EXOC4: variants seen among roughly 807,000 people sequenced by gnomAD.
The protein encoded by EXOC4 is exocyst complex component 4.
EXOC4 carries 71 observed loss-of-function variants against 107.2 expected under a neutral mutation model. The observed-to-expected ratio is 0.66, with a 90% CI of 0.55 to 0.81. The LOEUF (loss-of-function observed/expected upper bound fraction) is 0.81. Among genes scored for constraint, EXOC4 ranks in the 30% least tolerant of loss-of-function variants. The probability of loss-of-function intolerance (pLI) is 0.00; values close to 1 mark genes in which losing one functional copy is unlikely to be tolerated. For missense variants in EXOC4, 1,108 were observed against 1,189.6 expected, an observed-to-expected ratio of 0.93 and a Z score of 1.01; for synonymous variants, 456 against 441.2, an observed-to-expected ratio of 1.03 and a Z score of -0.42.
At chr7:133,860,768 T>G (rs1330429229) in intron 11 of EXOC4, among the ~76,000 whole-genome samples, 1 of 152,208 alleles carries the variant, frequency 6.6e-6, no homozygotes, top group Non-Finnish European at 1.5e-5. Context: ...AATATTACCC[T>G]TTGCAAAGCC....
At chr7:133,788,557 A>T (rs1295490107) in intron 10 of EXOC4, among the ~76,000 whole-genome samples, 4 of 151,868 alleles carry the variant, frequency 2.6e-5, no homozygotes, top group African/African-American at 9.7e-5. Flanking sequence ...CAGTGGTGTG[A>T]TCTTGGCTCA....
chr7:133,467,400 T>C (rs759128403), intron 7 of EXOC4, among the ~76,000 whole-genome samples: 14 of 152,180 alleles, frequency 9.2e-5, no homozygotes, highest in Non-Finnish European at 2.9e-5. Context: ...CTCCTTCCTT[T>C]ATAGGATTTT....
intron 9 of EXOC4, among the ~76,000 whole-genome samples, chr7:133,625,256 G>A (rs546334713): frequency 6.6e-6 from 1 of 152,246 alleles, no homozygotes; most frequent in South Asian, 2.1e-4. Flanking sequence ...AGCATACTAG[G>A]CACAGAACAC....
intron 12 of EXOC4, among the ~76,000 whole-genome samples, chr7:133,917,109 G>A (rs10226267): frequency 0.47 from 70,967 of 151,960 alleles, 17,875 homozygotes; most frequent in African/African-American, 0.65. Flanking sequence ...GGGTGTCCAT[G>A]ATTCAAGCAA....
intron 17 of EXOC4, among the ~76,000 whole-genome samples, chr7:134,054,593 C>T (rs1381726623): frequency 6.6e-6 from 1 of 152,164 alleles, no homozygotes; most frequent in Non-Finnish European, 1.5e-5. Context: ...AGTTCTAAAG[C>T]CAGCATCCTT....
chr7:133,486,159 T>TA (rs1222940987), intron 9 of EXOC4, among the ~76,000 whole-genome samples: 1 of 152,166 alleles, frequency 6.6e-6, no homozygotes, highest in Non-Finnish European at 1.5e-5. Flanking sequence ...CTGGCATAGG[T>TA]AAAAAAGCTC....
At chr7:133,388,431 C>G (rs1796777257) in intron 7 of EXOC4, among the ~76,000 whole-genome samples, 1 of 152,102 alleles carries the variant, frequency 6.6e-6, no homozygotes, top group Non-Finnish European at 1.5e-5. Context: ...GGGCAGATCA[C>G]TTGAGGTCAG....
chr7:133,489,777 A>G (rs1388759662), intron 9 of EXOC4, among the ~76,000 whole-genome samples: 1 of 152,120 alleles, frequency 6.6e-6, no homozygotes, highest in Non-Finnish European at 1.5e-5. Flanking sequence ...TGAAGGCCAA[A>G]AGAAAAGAAA....
chr7:133,254,692 C>G (rs1310738152), intron 1 of EXOC4, among the ~76,000 whole-genome samples: 2 of 152,088 alleles, frequency 1.3e-5, no homozygotes, highest in African/African-American at 2.4e-5. Context: ...CAGTGTTACC[C>G]TTGAGGAGAG....
chr7:134,021,140 G>A (rs1795019661), intron 17 of EXOC4, among the ~76,000 whole-genome samples: 1 of 152,148 alleles, frequency 6.6e-6, no homozygotes, highest in East Asian at 1.9e-4. Context: ...GACTATCACA[G>A]GAAAGCTATC....
intron 3 of EXOC4, among the ~76,000 whole-genome samples, chr7:133,304,184 T>C (rs1794702698): frequency 6.6e-6 from 1 of 152,214 alleles, no homozygotes; most frequent in Admixed American, 6.5e-5. Context: ...TACCAAATTA[T>C]TTTTCATTTT....
chr7:133,254,987 T>G (rs1762331790), intron 1 of EXOC4, among the ~76,000 whole-genome samples: 5 of 152,118 alleles, frequency 3.3e-5, no homozygotes, highest in Admixed American at 3.3e-4. Flanking sequence ...GAACATACAT[T>G]GCCTTTGCTT....
At chr7:133,808,205 A>AGTAGTT (rs1797125471) in intron 10 of EXOC4, among the ~76,000 whole-genome samples, 1 of 152,206 alleles carries the variant, frequency 6.6e-6, no homozygotes, top group Non-Finnish European at 1.5e-5. Flanking sequence ...AGGCACAGAT[A>AGTAGTT]GTAGTTACAC....
At chr7:133,490,286 C>T (rs6467494) in intron 9 of EXOC4, among the ~76,000 whole-genome samples, 73,110 of 151,976 alleles carry the variant, frequency 0.48, 18,057 homozygotes, top group East Asian at 0.62. Context: ...TTACATGCAG[C>T]CCTACTTATA....
intron 14 of EXOC4, among the ~76,000 whole-genome samples, chr7:133,949,047 T>C (rs1403738847): frequency 1.3e-5 from 2 of 152,150 alleles, no homozygotes; most frequent in Non-Finnish European, 2.9e-5. Flanking sequence ...TAATACACTT[T>C]AAAAGGAGGA....
intron 14 of EXOC4, among the ~76,000 whole-genome samples, chr7:133,944,204 A>G (rs1800497583): frequency 1.3e-5 from 2 of 152,068 alleles, no homozygotes; most frequent in African/African-American, 2.4e-5. Flanking sequence ...CTGTTCTAGG[A>G]TCTCATCCAG....
intron 11 of EXOC4, among the ~76,000 whole-genome samples, chr7:133,820,795 C>T (rs1357977350): frequency 6.6e-6 from 1 of 152,170 alleles, no homozygotes; most frequent in Non-Finnish European, 1.5e-5. Flanking sequence ...GTGATGCTTC[C>T]AGTTGTTTGA....
chr7:133,886,761 G>C (rs1229020952), intron 11 of EXOC4, among the ~76,000 whole-genome samples: 1 of 152,042 alleles, frequency 6.6e-6, no homozygotes, highest in African/African-American at 2.4e-5. Flanking sequence ...TAAATTATTT[G>C]CATTGCTAAA....
At chr7:133,421,522 A>G (rs1797606888) in intron 7 of EXOC4, among the ~76,000 whole-genome samples, 1 of 152,240 alleles carries the variant, frequency 6.6e-6, no homozygotes, top group Non-Finnish European at 1.5e-5. Flanking sequence ...GGGAACTCAG[A>G]TCTGAAGAGA....
Sources: allele counts gnomAD v4.1 joint callset (sites outside exome capture counted in the v4.1 genomes callset), GRCh38; gene constraint gnomAD v4.1.1; transcripts MANE v1.5; gene names NCBI Gene and HGNC (gene_info 2026-07-23, HGNC 2026-07-21).